DAPK1: variants seen among roughly 807,000 people sequenced by gnomAD.
DAPK1 encodes the protein death-associated protein kinase 1.
In DAPK1, 56 loss-of-function variants were observed where a neutral mutation model predicts 144.9. The ratio of observed to expected loss-of-function variants is 0.39; its 90% CI spans 0.31 to 0.48. The LOEUF (loss-of-function observed/expected upper bound fraction) is 0.48, where lower values mean the gene tolerates loss of function less well. DAPK1 is among the 20% of genes least tolerant of loss of function. The probability of loss-of-function intolerance (pLI) is 0.95; values close to 1 mark genes in which losing one functional copy is unlikely to be tolerated. For missense variants in DAPK1, 1,454 were observed against 1,875.4 expected (o/e 0.78, Z 4.15); for synonymous variants, 690 against 749.0 (o/e 0.92, Z 1.29).
intron 12 of DAPK1, among the ~76,000 whole-genome samples, 174 bp from the exon 13 acceptor site, chr9:87,646,287 C>A (rs746847182): frequency 6.6e-6 from 1 of 152,130 alleles, no homozygotes; most frequent in African/African-American, 2.4e-5. Flanking sequence ...GATGAGAATC[C>A]AAAAGGGGAA....
chr9:87,654,077 G>A (rs1235708627), intron 17 of DAPK1, among the ~76,000 whole-genome samples: 1 of 152,142 alleles, frequency 6.6e-6, no homozygotes, highest in East Asian at 1.9e-4. Context: ...AATAAATGTG[G>A]TAAGACTAAA....
chr9:87,530,576 C>T (rs1825665370), intron 2 of DAPK1, among the ~76,000 whole-genome samples: 1 of 152,142 alleles, frequency 6.6e-6, no homozygotes, highest in African/African-American at 2.4e-5. Context: ...TTCTTTTATC[C>T]ACTGTACTTC....
chr9:87,582,557 C>CTTTTTT lies in DAPK1; in HGVS notation c.63-22387_63-22382dup, dbSNP rs10659497. On this transcript the variant is annotated intron_variant, in intron 2 of 25. Coordinates refer to ENST00000408954, the MANE Select transcript of DAPK1 (RefSeq NM_004938.4). ...TGGTCACACTTTGCCAATTTTCCTG[C>CTTTTTT]TTTTTTTTTTTTTTTGAGATGGAAT... Among the ~76,000 whole-genome samples the CTTTTTT allele has an allele frequency of 3.6e-5, 5 of 139,500 alleles. 1 individual carries two copies. Among genetic ancestry groups the CTTTTTT allele is most frequent in the Non-Finnish European group, 1.5e-5 (1 of 64,842 alleles). 91.5% of individuals were successfully genotyped at this position (139,500 alleles called of 152,430 possible). A position where few individuals can be genotyped will look rare whatever the true frequency, so the allele number is the denominator to read the frequency against.
intron 21 of DAPK1, among the ~76,000 whole-genome samples, chr9:87,689,863 G>A (rs1163697684): frequency 6.6e-6 from 1 of 152,124 alleles, no homozygotes; most frequent in African/African-American, 2.4e-5. Flanking sequence ...ATTGGTCTAT[G>A]TGTCTGTTTT....
At chr9:87,594,086 C>T (rs571381321) in intron 2 of DAPK1, among the ~76,000 whole-genome samples, 10 of 152,174 alleles carry the variant, frequency 6.6e-5, no homozygotes, top group Non-Finnish European at 1.5e-4. Context: ...GCATTTTAGT[C>T]TCCATAAAAC....
At chr9:87,634,843 A>C (rs926796018) in intron 3 of DAPK1, among the ~76,000 whole-genome samples, 1 of 152,016 alleles carries the variant, frequency 6.6e-6, no homozygotes. Context: ...CACCTCGGGA[A>C]TGGGCTCTAC....
chr9:87,609,803 A>T (rs892436193), intron 3 of DAPK1, among the ~76,000 whole-genome samples: 2 of 152,112 alleles, frequency 1.3e-5, no homozygotes, highest in Non-Finnish European at 2.9e-5. Context: ...TTCCGTGTGG[A>T]TATAGTTTTT....
chr9:87,644,022 G>A (rs1830185549), intron 11 of DAPK1, among the ~76,000 whole-genome samples: 1 of 152,120 alleles, frequency 6.6e-6, no homozygotes, highest in Non-Finnish European at 1.5e-5. Flanking sequence ...GGCCAAACCT[G>A]CTTGCATGAT....
At chr9:87,646,626 G>A in intron 13 of DAPK1, 67 bp downstream of exon 13, 2 of 1,304,090 alleles carry the variant, frequency 1.5e-6, no homozygotes, top group South Asian at 1.3e-5. Context: ...AATCATAGGG[G>A]TAACAGAGGA....
In DAPK1 at chr9:87,702,788, G is replaced by A. The variant is rs1481889637; in HGVS notation, c.2872-241G>A. Among the ~76,000 whole-genome samples, 8 of 152,080 alleles carry A rather than the reference G, an allele frequency of 5.3e-5. No homozygotes were observed. In the South Asian group the frequency reaches 6.2e-4, roughly 12 times the overall value. ...GACACAGTGGTGTGTACTTGTAGTC[G>A]GAGCTACTCAGGAGACTGAGACAAG... On this transcript the variant is annotated intron_variant, in intron 24 of 25. Transcript: ENST00000408954.
intron 3 of DAPK1, among the ~76,000 whole-genome samples, chr9:87,619,837 G>A (rs1233288550): frequency 6.6e-6 from 1 of 152,186 alleles, no homozygotes; most frequent in Non-Finnish European, 1.5e-5. Context: ...TTGTCATCTG[G>A]TAGAGTCATG....
chr9:87,631,474 C>G (rs1829689624), intron 3 of DAPK1, among the ~76,000 whole-genome samples: 2 of 152,158 alleles, frequency 1.3e-5, no homozygotes, highest in African/African-American at 4.8e-5. Context: ...ATGGTATTTT[C>G]CAGCTCTCTT....
rs751143180 is a variant in DAPK1, at chr9:87,518,483, C to T, written c.62+19344C>T. 5.6e-4 allele frequency among the ~76,000 whole-genome samples: 85 copies of T among 151,618 alleles called. 1 individual carries two copies. Among genetic ancestry groups the T allele is most frequent in the Non-Finnish European group, 1.0e-3 (71 of 67,978 alleles). ...GAAACTGATGTTAACCCTTTGCCATCGTCAATCTCATTGATGTCGGCCAGT... is the reference window on the plus strand; with the variant it reads ...GAAACTGATGTTAACCCTTTGCCATTGTCAATCTCATTGATGTCGGCCAGT... On this transcript the variant is annotated intron_variant, in intron 2 of 25. Transcript: ENST00000408954.
intron 3 of DAPK1, among the ~76,000 whole-genome samples, chr9:87,630,359 T>C (rs1829632357): frequency 6.6e-6 from 1 of 152,206 alleles, no homozygotes. Context: ...CAAAATCTGG[T>C]AGCTTAACAT....
intron 2 of DAPK1, among the ~76,000 whole-genome samples, chr9:87,504,562 A>G (rs1162534607): frequency 6.6e-6 from 1 of 152,176 alleles, no homozygotes; most frequent in Non-Finnish European, 1.5e-5. Flanking sequence ...TCCCCGGCCA[A>G]TGAGGAAACT....
At chr9:87,588,340 C>T (rs1828007225) in intron 2 of DAPK1, among the ~76,000 whole-genome samples, 1 of 152,204 alleles carries the variant, frequency 6.6e-6, no homozygotes, top group Non-Finnish European at 1.5e-5. Context: ...CGGTTCTATT[C>T]TGAGCTGTGA....
intron 18 of DAPK1, among the ~76,000 whole-genome samples, chr9:87,667,521 C>A (rs1003769385): frequency 6.6e-6 from 1 of 152,162 alleles, no homozygotes. Context: ...TTGCCTGGTG[C>A]AAAATGTCAG....
chr9:87,684,964 C>A (rs1039740236), intron 20 of DAPK1, among the ~76,000 whole-genome samples: 4 of 152,216 alleles, frequency 2.6e-5, no homozygotes, highest in African/African-American at 9.6e-5. Context: ...GGGCCACATG[C>A]CACTAAAAGA....
intron 2 of DAPK1, among the ~76,000 whole-genome samples, chr9:87,547,042 A>G (rs1826275852): frequency 6.6e-6 from 1 of 152,158 alleles, no homozygotes; most frequent in Non-Finnish European, 1.5e-5. Flanking sequence ...CTATAGTCCC[A>G]GCTGCTCAGG....
Sources: gnomAD v4.1 joint callset for allele counts (sites outside exome capture counted in the v4.1 genomes callset) on GRCh38, gnomAD v4.1.1 for gene constraint, MANE v1.5 for transcripts, NCBI Gene and HGNC (gene_info 2026-07-23, HGNC 2026-07-21) for gene names.